RPS6KA3: variants seen among roughly 807,000 people sequenced by gnomAD.
The protein encoded by RPS6KA3 is ribosomal protein S6 kinase A3, also known as ribosomal protein S6 kinase alpha-3.
Under a neutral mutation model 67.2 loss-of-function variants are expected in RPS6KA3, and 4 were observed. The ratio of observed to expected loss-of-function variants is 0.06; its 90% CI spans 0.03 to 0.14. RPS6KA3 has a LOEUF of 0.14. Ranked by LOEUF, RPS6KA3 falls within the 10% of genes least tolerant of loss-of-function variation. The pLI, the probability that RPS6KA3 is intolerant of heterozygous loss-of-function variation, is 1.00. For synonymous variants in RPS6KA3, 182 were observed against 183.7 expected, an observed-to-expected ratio of 0.99 and a Z score of 0.07; for missense variants, 204 against 559.0, an observed-to-expected ratio of 0.36 and a Z score of 6.40.
At chrX:20,191,216 C>T (rs2068116712) in intron 7 of RPS6KA3, among the ~76,000 whole-genome samples, 1 of 111,835 alleles carries the variant, frequency 8.9e-6, no homozygotes, top group African/African-American at 3.3e-5. Flanking sequence ...TTTTTTATAG[C>T]TGCACAGTAT....
intron 1 of RPS6KA3, among the ~76,000 whole-genome samples, chrX:20,245,232 T>C (rs772868391): frequency 8.9e-5 from 10 of 112,111 alleles, no homozygotes; most frequent in African/African-American, 1.9e-4. Context: ...CGATCTTCTA[T>C]AAAACTTTAA....
At chrX:20,225,255 GTTTTTTTTT>G (rs1171338918) in intron 2 of RPS6KA3, among the ~76,000 whole-genome samples, 18 of 69,692 alleles carry the variant, frequency 2.6e-4, no homozygotes, top group Non-Finnish European at 4.3e-4. Flanking sequence ...TTTTTTTTTT[GTTTTTTTTT>G]TTTTTAAGCT....
chrX:20,247,557 C>G (rs1299201330), intron 1 of RPS6KA3, among the ~76,000 whole-genome samples: 2 of 111,132 alleles, frequency 1.8e-5, no homozygotes. Context: ...GAGGCTGAGG[C>G]GGGTGGATCA....
In RPS6KA3 at chrX:20,194,258, A is replaced by G; in HGVS notation, c.417T>C (p.Thr139=). Residue 139 remains threonine (T), a synonymous_variant, in exon 6 of 22, where the codon ACT becomes ACC. Transcript: ENST00000379565. The stretch of plus-strand genomic sequence containing the variant: ...CCAAAATAAGATACAACTTCCCTTC[A>G]GTTTGAAAAGCTGAATGAAGAAATG... ...FIVKLHYAFQ[T]EGKLYLILDF... 1 of 1,183,947 alleles carries G rather than the reference A, an allele frequency of 8.4e-7. No individual in the cohort carries two copies. The highest frequency in any genetic ancestry group is 3.0e-5 in the East Asian group (1 of 33,601).
chrX:20,200,305 A>G (rs1269842846), intron 4 of RPS6KA3, among the ~76,000 whole-genome samples: 1 of 112,065 alleles, frequency 8.9e-6, no homozygotes, highest in African/African-American at 3.2e-5. Context: ...TTGCAATATA[A>G]AAGTGTTGAA....
At chrX:20,156,309 C>A (rs1051197122) in intron 20 of RPS6KA3, 60 bp from the exon 21 acceptor site, 9 of 1,073,621 alleles carry the variant, frequency 8.4e-6, no homozygotes, top group Middle Eastern at 2.4e-4. Context: ...TTCTATGGCT[C>A]TTGATACTAA....
At chrX:20,249,425 A>T (rs1342127959) in intron 1 of RPS6KA3, among the ~76,000 whole-genome samples, 1 of 111,947 alleles carries the variant, frequency 8.9e-6, no homozygotes, top group African/African-American at 3.3e-5. Flanking sequence ...TGCCCTCACC[A>T]GCAATATATG....
At chrX:20,204,590 C>T (rs1569232870) in intron 3 of RPS6KA3, among the ~76,000 whole-genome samples, 1 of 112,130 alleles carries the variant, frequency 8.9e-6, no homozygotes, top group East Asian at 2.8e-4. Context: ...TCTCACTGCT[C>T]AGCGGAACAA....
chrX:20,166,953 G>C (rs1182605595), intron 17 of RPS6KA3, among the ~76,000 whole-genome samples: 1 of 110,240 alleles, frequency 9.1e-6, no homozygotes, highest in Admixed American at 9.8e-5. Flanking sequence ...CCTGACCTCA[G>C]GTGATCCACC....
At chrX:20,165,098 A>G (rs373300974) in intron 17 of RPS6KA3, 38 bp from the exon 18 acceptor site, 5 of 1,052,905 alleles carry the variant, frequency 4.7e-6, no homozygotes, top group Non-Finnish European at 6.6e-6. Context: ...TGTTAACAAT[A>G]TATTTCCATT....
intron 1 of RPS6KA3, 132 bp downstream of exon 1, chrX:20,266,432 C>G (rs936515178): frequency 1.8e-6 from 1 of 550,880 alleles, no homozygotes; most frequent in Non-Finnish European, 2.9e-6. Flanking sequence ...CAACCCAAAC[C>G]AAAACCCTGA....
In RPS6KA3 at chrX:20,211,604, C is replaced by T. The variant is rs747613633; in HGVS notation, c.127-2200G>A. On this transcript the variant is annotated intron_variant, in intron 2 of 21. Transcript: ENST00000379565. ...AACAAAACAAAACAAAACCTACACACACAATATTTGTATCCTTAAAATTAT... is the reference window on the plus strand; with the variant it reads ...AACAAAACAAAACAAAACCTACACATACAATATTTGTATCCTTAAAATTAT... Among the ~76,000 whole-genome samples the T allele has an allele frequency of 8.2e-5, 9 of 109,918 alleles. No individual in the cohort carries two copies. The South Asian group carries it at 3.4e-3, about 42-fold the overall frequency.
rs751283480 is a variant in RPS6KA3, at chrX:20,232,574, A to AAAAC, written c.126+2180_126+2183dup. On this transcript the variant is annotated intron_variant, in intron 2 of 21. Coordinates refer to ENST00000379565, the MANE Select transcript of RPS6KA3 (RefSeq NM_004586.3). ...ATGACAGAGCAAGACTCCGTCTCAAAAAACAAACAAACAAACAAACAAAAA... is the reference window on the plus strand; with the variant it reads ...ATGACAGAGCAAGACTCCGTCTCAAAAAACAAACAAACAAACAAACAAACAAAAA... Among the ~76,000 whole-genome samples, 93 of 111,787 alleles carry AAAAC rather than the reference A, an allele frequency of 8.3e-4. 1 individual carries two copies. The South Asian group carries it at 0.023, about 28-fold the overall frequency.
intron 2 of RPS6KA3, among the ~76,000 whole-genome samples, chrX:20,215,276 C>T (rs1198309953): frequency 9.0e-6 from 1 of 110,698 alleles, no homozygotes; most frequent in African/African-American, 3.3e-5. Flanking sequence ...CTACTCTCTT[C>T]CCCCCAAAAC....
chrX:20,199,560 G>A (rs942565162), intron 4 of RPS6KA3, among the ~76,000 whole-genome samples: 14 of 111,795 alleles, frequency 1.3e-4, no homozygotes, highest in Non-Finnish European at 2.1e-4. Context: ...CAATTCAGGA[G>A]GTTTAACTAA....
At chrX:20,208,482 G>A (rs760175085) in intron 3 of RPS6KA3, among the ~76,000 whole-genome samples, 9 of 111,489 alleles carry the variant, frequency 8.1e-5, no homozygotes, top group African/African-American at 6.5e-5. Context: ...TTGGGAGGCC[G>A]AGGCAAGTGG....
chrX:20,215,497 A>G (rs930914066), intron 2 of RPS6KA3, among the ~76,000 whole-genome samples: 1 of 111,715 alleles, frequency 9.0e-6, no homozygotes, highest in Non-Finnish European at 1.9e-5. Flanking sequence ...TTTAAATTTC[A>G]TAAGACTTAA....
At chrX:20,162,131 T>C (rs1301780388) in intron 19 of RPS6KA3, among the ~76,000 whole-genome samples, 3 of 104,919 alleles carry the variant, frequency 2.9e-5, no homozygotes, top group Non-Finnish European at 5.9e-5. Flanking sequence ...AGGTCAGGAG[T>C]TTGAGACCAG....
chrX:20,198,047 C>T (rs1293461158), intron 4 of RPS6KA3, among the ~76,000 whole-genome samples: 1 of 112,100 alleles, frequency 8.9e-6, no homozygotes, highest in African/African-American at 3.2e-5. Context: ...GGACAGAAGT[C>T]CCCATTAACT....
Sources: gnomAD v4.1 joint callset for allele counts (sites outside exome capture counted in the v4.1 genomes callset) on GRCh38, gnomAD v4.1.1 for gene constraint, MANE v1.5 for transcripts, NCBI Gene and HGNC (gene_info 2026-07-23, HGNC 2026-07-21) for gene names.